Variants in HIVEP3 observed in about 807,000 individuals in gnomAD.
HIVEP3 encodes transcription factor HIVEP3.
A neutral mutation model predicts 152.8 loss-of-function variants in HIVEP3; 49 were observed. That is an observed-to-expected ratio of 0.32 (90% CI 0.26 to 0.41). The LOEUF is 0.41. HIVEP3 is among the 10% of genes least tolerant of loss of function. The pLI is 1.00. For synonymous variants in HIVEP3, 1,269 were observed against 1,289.0 expected (o/e 0.98, Z 0.33); for missense variants, 2,790 against 3,103.3 (o/e 0.90, Z 2.40).
At chr1:41,615,394 C>T (rs1293003078) in intron 3 of HIVEP3, among the ~76,000 whole-genome samples, 1 of 152,246 alleles carries the variant, frequency 6.6e-6, no homozygotes, top group African/African-American at 2.4e-5. Flanking sequence ...GGAGAACCCT[C>T]AGCCTGGCTT....
intron 1 of HIVEP3, among the ~76,000 whole-genome samples, chr1:41,813,167 C>T (rs943057977): frequency 6.6e-6 from 1 of 152,172 alleles, no homozygotes; most frequent in Admixed American, 6.5e-5. Context: ...GCCTCCCAAA[C>T]AACCCCTTCA....
In HIVEP3 at chr1:41,662,437, A is replaced by G. The variant is rs1461953096; in HGVS notation, c.-720-33490T>C. On this transcript the variant is annotated intron_variant, in intron 2 of 8. Transcript: ENST00000372583. This position sits in a 1 kb window ranked among gnomAD's most constrained non-coding sequence, Gnocchi z 7.2. ...GGAAGTCGCAGGGGCCGGACCACCC[A>G]CTTCTTTCCATTCACTCCCCAGAGT... 5 of 150,512 alleles carry G rather than the reference A, an allele frequency of 3.3e-5. No individual in the cohort carries two copies. In the South Asian group the frequency reaches 1.0e-3, roughly 31 times the overall value. 9.3% of individuals were successfully genotyped at this position (150,512 alleles called of 1,614,324 possible).
In HIVEP3 at chr1:41,605,183, GAGGGA is replaced by G. The variant is rs550307444; in HGVS notation, c.-521-19870_-521-19866del. 4.1e-4 allele frequency among the ~76,000 whole-genome samples: 47 copies of G among 115,638 alleles called. 1 individual carries two copies. The East Asian group carries it at 0.011, about 28-fold the overall frequency. The allele number at this position is 115,638 out of a possible 152,430, so 75.9% of individuals were successfully genotyped here. ...GTGGAGAGGGGAGGGGAGGGGAGGG[GAGGGA>G]AGGGAAGGGAAGGGAGGAAAGGAAG... On this transcript the variant is annotated intron_variant, in intron 3 of 8. Coordinates refer to ENST00000372583, the MANE Select transcript of HIVEP3 (RefSeq NM_024503.5).
intron 1 of HIVEP3, among the ~76,000 whole-genome samples, chr1:41,833,487 C>T (rs901361110): frequency 6.6e-6 from 1 of 152,142 alleles, no homozygotes; most frequent in Non-Finnish European, 1.5e-5. Context: ...AAACAATGCT[C>T]AGAAAGGCTA....
chr1:41,549,323 A>G (rs1282701116), intron 5 of HIVEP3, among the ~76,000 whole-genome samples: 1 of 152,170 alleles, frequency 6.6e-6, no homozygotes, highest in Non-Finnish European at 1.5e-5. Context: ...GAATAATGCC[A>G]CAATAAACAT....
chr1:41,555,405 G>T (rs1163787486), intron 5 of HIVEP3, among the ~76,000 whole-genome samples: 17 of 152,328 alleles, frequency 1.1e-4, no homozygotes, highest in Admixed American at 1.0e-3. Context: ...GTCTGTCATG[G>T]CTTCCCTTGG....
intron 1 of HIVEP3, among the ~76,000 whole-genome samples, chr1:41,712,403 C>T (rs1646526983): frequency 6.6e-6 from 1 of 152,192 alleles, no homozygotes; most frequent in Non-Finnish European, 1.5e-5. Context: ...TGTGGGGTTT[C>T]CAGTCTCCTG....
At chr1:41,990,641 C>T (rs1645354621) in intron 1 of HIVEP3, among the ~76,000 whole-genome samples, 1 of 150,988 alleles carries the variant, frequency 6.6e-6, no homozygotes, top group South Asian at 2.1e-4. Flanking sequence ...CAGCTCTGCA[C>T]CAAGCGGACC....
intron 1 of HIVEP3, among the ~76,000 whole-genome samples, chr1:41,709,373 T>C (rs934314343): frequency 6.6e-6 from 1 of 152,194 alleles, no homozygotes; most frequent in Non-Finnish European, 1.5e-5. Context: ...CCAGGACAGC[T>C]GCATCCGGGT....
chr1:41,909,985 G>A (rs2124463717), intron 1 of HIVEP3, among the ~76,000 whole-genome samples: 1 of 151,548 alleles, frequency 6.6e-6, no homozygotes, highest in African/African-American at 2.4e-5. Flanking sequence ...CTCATAATGG[G>A]GAAAAAAGCC....
intron 1 of HIVEP3, among the ~76,000 whole-genome samples, chr1:41,983,416 T>A (rs1191097720): frequency 6.6e-6 from 1 of 152,164 alleles, no homozygotes; most frequent in Non-Finnish European, 1.5e-5. Flanking sequence ...ATGATCACAC[T>A]TTTTGTTATC....
At chr1:41,758,730 G>A (rs1647476848) in intron 1 of HIVEP3, among the ~76,000 whole-genome samples, 2 of 152,220 alleles carry the variant, frequency 1.3e-5, no homozygotes, top group African/African-American at 4.8e-5. Flanking sequence ...TGGACAAACT[G>A]GTAGTAGTTA....
chr1:41,522,794 G>A (rs1642794368), intron 6 of HIVEP3, among the ~76,000 whole-genome samples: 1 of 152,072 alleles, frequency 6.6e-6, no homozygotes, highest in African/African-American at 2.4e-5. Flanking sequence ...GAAACTTCCA[G>A]TCTCACGCGG....
intron 2 of HIVEP3, among the ~76,000 whole-genome samples, chr1:41,691,930 C>T (rs956514536): frequency 5.3e-5 from 8 of 151,070 alleles, no homozygotes; most frequent in South Asian, 2.1e-4. Flanking sequence ...CTGTAACCTC[C>T]GCCTCCCGGG....
At chr1:41,979,252 T>C (rs959480604) in intron 1 of HIVEP3, among the ~76,000 whole-genome samples, 1 of 152,174 alleles carries the variant, frequency 6.6e-6, no homozygotes, top group African/African-American at 2.4e-5. Flanking sequence ...GACCCACAAC[T>C]TGGTTCTCGC....
intron 3 of HIVEP3, among the ~76,000 whole-genome samples, chr1:41,595,307 A>T (rs1474458976): frequency 6.6e-6 from 1 of 152,170 alleles, no homozygotes; most frequent in Non-Finnish European, 1.5e-5. Flanking sequence ...CTTGTCAGTA[A>T]TTCTCAGTAG....
chr1:41,597,773 AC>A (rs1283464360), intron 3 of HIVEP3, among the ~76,000 whole-genome samples: 3 of 152,130 alleles, frequency 2.0e-5, no homozygotes, highest in African/African-American at 7.2e-5. Context: ...AAGCTTGTTA[AC>A]CTTTTTTTAC....
At chr1:41,777,787 G>A (rs1013139337) in intron 1 of HIVEP3, among the ~76,000 whole-genome samples, 6 of 152,164 alleles carry the variant, frequency 3.9e-5, no homozygotes, top group Admixed American at 1.3e-4. Flanking sequence ...TACATCCCAC[G>A]TGTGTCATGC....
At chr1:41,713,848 C>A (rs1266083869) in intron 1 of HIVEP3, among the ~76,000 whole-genome samples, 2 of 152,204 alleles carry the variant, frequency 1.3e-5, no homozygotes, top group East Asian at 3.8e-4. Flanking sequence ...GATGAGCAAG[C>A]CTGGGGGAGG....
Sources: allele counts gnomAD v4.1 joint callset (sites outside exome capture counted in the v4.1 genomes callset), GRCh38; gene constraint gnomAD v4.1.1; non-coding constraint Gnocchi (gnomAD v3.1); transcripts MANE v1.5; gene names NCBI Gene and HGNC (gene_info 2026-07-23, HGNC 2026-07-21).